Variants in ABI1 observed in about 807,000 individuals in gnomAD.
The protein encoded by ABI1 is abl interactor 1, also known as Abelson interactor 1.
Under a neutral mutation model 54.6 loss-of-function variants are expected in ABI1, and 14 were observed. That is an observed-to-expected ratio of 0.26 (90% CI 0.17 to 0.40). ABI1 has a LOEUF of 0.40. Among genes scored for constraint, ABI1 ranks in the 10% least tolerant of loss-of-function variants. The probability of loss-of-function intolerance (pLI) is 1.00; values close to 1 mark genes in which losing one functional copy is unlikely to be tolerated. For missense variants in ABI1, 443 were observed against 598.3 expected, an observed-to-expected ratio of 0.74 and a Z score of 2.71; for synonymous variants, 194 against 209.3, an observed-to-expected ratio of 0.93 and a Z score of 0.63.
chr10:26,814,533 TCTC>T (rs1175939970), intron 2 of ABI1, among the ~76,000 whole-genome samples: 1 of 152,208 alleles, frequency 6.6e-6, no homozygotes, highest in African/African-American at 2.4e-5. Flanking sequence ...TTGCACACTT[TCTC>T]CTAGTATTAC....
At chr10:26,842,426 T>A (rs1371216052) in intron 1 of ABI1, among the ~76,000 whole-genome samples, 3 of 152,248 alleles carry the variant, frequency 2.0e-5, no homozygotes, top group African/African-American at 7.2e-5. Context: ...CTTTTCAGTT[T>A]GACGTCATTC....
chr10:26,818,500 C>T (rs1021084714), intron 2 of ABI1, among the ~76,000 whole-genome samples: 22 of 151,386 alleles, frequency 1.5e-4, no homozygotes, highest in African/African-American at 5.1e-4. Flanking sequence ...ATCCTAGCTA[C>T]TCAGTAGGCT....
At chr10:26,779,519 G>A (rs1021708729) in intron 2 of ABI1, among the ~76,000 whole-genome samples, 14 of 152,004 alleles carry the variant, frequency 9.2e-5, no homozygotes, top group Admixed American at 6.6e-4. Context: ...TCCTTTGGAC[G>A]ACAGTTACAG....
At chr10:26,784,009 A>G (rs1156890423) in intron 2 of ABI1, among the ~76,000 whole-genome samples, 1 of 152,190 alleles carries the variant, frequency 6.6e-6, no homozygotes, top group Non-Finnish European at 1.5e-5. Context: ...GTGGCAGTCA[A>G]AGGGGTACAA....
intron 7 of ABI1, among the ~76,000 whole-genome samples, chr10:26,761,368 C>T (rs1839129171): frequency 6.6e-6 from 1 of 151,598 alleles, no homozygotes; most frequent in Non-Finnish European, 1.5e-5. Flanking sequence ...AATTCTGAGC[C>T]TATTTTAGAA....
chr10:26,818,291 T>C (rs2047719366), intron 2 of ABI1, among the ~76,000 whole-genome samples: 1 of 150,576 alleles, frequency 6.6e-6, no homozygotes, highest in South Asian at 2.1e-4. Context: ...AATTTCCTCA[T>C]ATTAAATCTC....
intron 2 of ABI1, among the ~76,000 whole-genome samples, chr10:26,802,317 T>C (rs957960174): frequency 1.3e-5 from 2 of 152,196 alleles, no homozygotes; most frequent in Admixed American, 6.5e-5. Context: ...TATTCAACCC[T>C]AATTTCAAAT....
At chr10:26,814,299 C>T (rs1444089840) in intron 2 of ABI1, among the ~76,000 whole-genome samples, 2 of 152,142 alleles carry the variant, frequency 1.3e-5, no homozygotes, top group Non-Finnish European at 2.9e-5. Flanking sequence ...TAGCTACCTA[C>T]GACTTCAGGC....
At chr10:26,788,800 C>T (rs1366284777) in intron 2 of ABI1, among the ~76,000 whole-genome samples, 2 of 151,324 alleles carry the variant, frequency 1.3e-5, no homozygotes, top group East Asian at 3.9e-4. Flanking sequence ...GTAGTCCCAG[C>T]TACTCGGGAG....
At chr10:26,839,737 G>A in intron 1 of ABI1, 1 of 700,868 alleles carries the variant, frequency 1.4e-6, no homozygotes, top group Non-Finnish European at 2.6e-6. Flanking sequence ...GATTACCTGA[G>A]GCCAGGAGTT....
chr10:26,839,474 C>T (rs774350620), intron 1 of ABI1, among the ~76,000 whole-genome samples: 5 of 151,362 alleles, frequency 3.3e-5, no homozygotes, highest in East Asian at 3.9e-4. Flanking sequence ...CCAGCCTGGG[C>T]GACAGAGCAG....
intron 6 of ABI1, 127 bp downstream of exon 6, chr10:26,768,725 C>A: frequency 1.4e-6 from 1 of 727,756 alleles, no homozygotes. Flanking sequence ...TATTATTCCC[C>A]CAACTTTTAC....
At chr10:26,760,090 A>G (rs988458065) in intron 7 of ABI1, among the ~76,000 whole-genome samples, 2 of 152,036 alleles carry the variant, frequency 1.3e-5, no homozygotes, top group Non-Finnish European at 2.9e-5. Flanking sequence ...TTTAAAAAAA[A>G]AAAAAAAATT....
chr10:26,827,327 T>C (rs901273110), intron 1 of ABI1, among the ~76,000 whole-genome samples: 2 of 151,752 alleles, frequency 1.3e-5, no homozygotes, highest in African/African-American at 4.8e-5. Flanking sequence ...GTTCATGCCA[T>C]TCTCCTGCCT....
At chr10:26,833,858 G>A (rs909813676) in intron 1 of ABI1, among the ~76,000 whole-genome samples, 8 of 151,828 alleles carry the variant, frequency 5.3e-5, no homozygotes, top group African/African-American at 1.9e-4. Flanking sequence ...TATGTTCAAG[G>A]ATATTCATGC....
At chr10:26,852,500 GC>G (rs1051611918) in intron 1 of ABI1, among the ~76,000 whole-genome samples, 15 of 151,974 alleles carry the variant, frequency 9.9e-5, no homozygotes, top group African/African-American at 3.6e-4. Context: ...AATAAAATAA[GC>G]ATCTGTTGTT....
intron 5 of ABI1, 90 bp from the exon 6 acceptor site, chr10:26,769,082 T>C (rs1840335168): frequency 4.1e-6 from 4 of 966,828 alleles, no homozygotes; most frequent in Admixed American, 5.8e-5. Flanking sequence ...TTTGTGACCA[T>C]GTATACCAGG....
chr10:26,839,671 C>A, intron 1 of ABI1: 1 of 624,628 alleles, frequency 1.6e-6, no homozygotes, highest in Non-Finnish European at 2.8e-6. Context: ...AAAAAACATG[C>A]CAGGCTTGGT....
Position 26,747,650 on chromosome 10 carries a change from A to G in ABI1, c.*920T>C, listed in dbSNP as rs1361770420. On this transcript the variant is annotated 3_prime_UTR_variant, in exon 11 of 11. Coordinates refer to ENST00000376140, the MANE Select transcript of ABI1 (RefSeq NM_001012750.3). ...TGCACACAATTTGACACATTTTCTT[A>G]GTTTCAAAAGATTATTTAAAAAAGG... 3 of 197,898 alleles carry G rather than the reference A, an allele frequency of 1.5e-5. No individual in the cohort carries two copies. The highest frequency in any genetic ancestry group is 6.0e-5 in the Admixed American group (1 of 16,554). 12.3% of individuals were successfully genotyped at this position (197,898 alleles called of 1,614,324 possible). A position where few individuals can be genotyped will look rare whatever the true frequency, so the allele number is the denominator to read the frequency against.
Sources: gnomAD v4.1 joint callset for allele counts (sites outside exome capture counted in the v4.1 genomes callset) on GRCh38, gnomAD v4.1.1 for gene constraint, MANE v1.5 for transcripts, NCBI Gene and HGNC (gene_info 2026-07-23, HGNC 2026-07-21) for gene names.